Variants in SOX6 observed in about 807,000 individuals in gnomAD.
SOX6 encodes SRY-box transcription factor 6, also known as transcription factor SOX-6.
In SOX6, 11 loss-of-function variants were observed where a neutral mutation model predicts 97.8. That is an observed-to-expected ratio of 0.11 (90% CI 0.07 to 0.19). The LOEUF is 0.19. Among genes scored for constraint, SOX6 ranks in the 10% least tolerant of loss-of-function variants. The probability of loss-of-function intolerance (pLI) is 1.00; values close to 1 mark genes in which losing one functional copy is unlikely to be tolerated. For missense variants in SOX6, 810 were observed against 1,039.5 expected, an observed-to-expected ratio of 0.78 and a Z score of 3.04; for synonymous variants, 360 against 371.4, an observed-to-expected ratio of 0.97 and a Z score of 0.35.
At chr11:16,444,377 T>C (rs1565148129) in intron 1 of SOX6, among the ~76,000 whole-genome samples, 2 of 152,192 alleles carry the variant, frequency 1.3e-5, no homozygotes, top group Non-Finnish European at 2.9e-5. Flanking sequence ...TTATTTCCCA[T>C]AATTCGCTGT....
At chr11:16,074,128 C>CA (rs1271029454) in intron 9 of SOX6, among the ~76,000 whole-genome samples, 3 of 151,934 alleles carry the variant, frequency 2.0e-5, no homozygotes, top group East Asian at 3.9e-4. Context: ...AACTGAGATG[C>CA]AAAAAACCAT....
At chr11:16,285,884 T>C (rs1854721386) in intron 3 of SOX6, among the ~76,000 whole-genome samples, 1 of 152,178 alleles carries the variant, frequency 6.6e-6, no homozygotes, top group Non-Finnish European at 1.5e-5. Context: ...AGTCTTCTGA[T>C]GAACCCTCAA....
At chr11:16,413,799 C>CATGA (rs1858872462) in intron 1 of SOX6, among the ~76,000 whole-genome samples, 2 of 73,510 alleles carry the variant, frequency 2.7e-5, no homozygotes, top group East Asian at 6.6e-4. Flanking sequence ...GGATTACAGG[C>CATGA]ATGAGCCACC....
intron 3 of SOX6, among the ~76,000 whole-genome samples, chr11:16,676,068 CAGGTTTCTG>C (rs146151648): frequency 0.029 from 4,456 of 152,236 alleles, 159 homozygotes; most frequent in South Asian, 0.057. Flanking sequence ...AACAGTCCCA[CAGGTTTCTG>C]AGGCTCTGCT....
intron 4 of SOX6, among the ~76,000 whole-genome samples, chr11:16,539,887 G>C (rs1429510291): frequency 6.6e-6 from 1 of 152,068 alleles, no homozygotes; most frequent in Non-Finnish European, 1.5e-5. Flanking sequence ...TTCTACCAGA[G>C]GTACAAAGAG....
At chr11:16,133,906 C>A (rs1366247751) in intron 6 of SOX6, among the ~76,000 whole-genome samples, 1 of 152,076 alleles carries the variant, frequency 6.6e-6, no homozygotes, top group Non-Finnish European at 1.5e-5. Flanking sequence ...AGGCTGGTCC[C>A]GAACTCCTGA....
chr11:16,374,827 A>G (rs1214011685), intron 1 of SOX6, among the ~76,000 whole-genome samples: 1 of 152,082 alleles, frequency 6.6e-6, no homozygotes, highest in African/African-American at 2.4e-5. Context: ...TTAAATAGGA[A>G]AGAGCAGGTT....
intron 3 of SOX6, among the ~76,000 whole-genome samples, chr11:16,252,833 G>A (rs1853556530): frequency 6.6e-6 from 1 of 152,038 alleles, no homozygotes; most frequent in African/African-American, 2.4e-5. Flanking sequence ...CACCTAAGCA[G>A]GGAAATTATT....
At position 15,976,991 on chromosome 11, in the gene SOX6, T is replaced by C. The variant is rs140195828; in HGVS notation, c.2184-3879A>G. On this transcript the variant is annotated intron_variant, in intron 15 of 15. Transcript: ENST00000683767. ...ATGAATGGGCCTGGAGGTGGGGTAGTTCCCTTCTTAGCTCCTCATTGCCTC... is the reference window on the plus strand; with the variant it reads ...ATGAATGGGCCTGGAGGTGGGGTAGCTCCCTTCTTAGCTCCTCATTGCCTC... Among the ~76,000 whole-genome samples the C allele has an allele frequency of 4.1e-4, 62 of 152,102 alleles. 1 individual carries two copies. The East Asian group carries it at 0.01, about 26-fold the overall frequency.
chr11:16,043,152 A>G (rs778879534), intron 12 of SOX6, among the ~76,000 whole-genome samples: 1 of 152,208 alleles, frequency 6.6e-6, no homozygotes, highest in African/African-American at 2.4e-5. Context: ...TGTCATGACT[A>G]AAATACTCTC....
intron 3 of SOX6, among the ~76,000 whole-genome samples, chr11:16,620,249 T>C (rs540089873): frequency 1.4e-4 from 22 of 152,206 alleles, no homozygotes; most frequent in Non-Finnish European, 2.8e-4. Context: ...GGGATTCCAA[T>C]GTTTGTTTCT....
chr11:16,651,040 C>T (rs1023668067), intron 3 of SOX6, among the ~76,000 whole-genome samples: 1 of 151,932 alleles, frequency 6.6e-6, no homozygotes, highest in Admixed American at 6.6e-5. Context: ...TGGATAAATT[C>T]CTGGAAATAT....
chr11:16,151,062 T>C (rs1454713165), intron 6 of SOX6, among the ~76,000 whole-genome samples: 1 of 152,180 alleles, frequency 6.6e-6, no homozygotes, highest in East Asian at 1.9e-4. Flanking sequence ...TTAATACTTT[T>C]GGATTTTACA....
intron 3 of SOX6, among the ~76,000 whole-genome samples, chr11:16,704,724 C>A (rs1848118993): frequency 6.6e-6 from 1 of 152,182 alleles, no homozygotes; most frequent in Admixed American, 6.5e-5. Flanking sequence ...AAACTGAATT[C>A]TACCCAGTTT....
intron 1 of SOX6, among the ~76,000 whole-genome samples, chr11:16,380,040 TTAGA>T (rs991914813): frequency 1.3e-5 from 2 of 151,844 alleles, no homozygotes; most frequent in Non-Finnish European, 2.9e-5. Context: ...TATATGCATA[TTAGA>T]TAGATAGGCA....
chr11:16,488,475 T>C (rs1369946320), intron 4 of SOX6, among the ~76,000 whole-genome samples: 2 of 152,164 alleles, frequency 1.3e-5, no homozygotes, highest in African/African-American at 4.8e-5. Flanking sequence ...CATAAATGTA[T>C]TTCCCTTTTT....
intron 12 of SOX6, among the ~76,000 whole-genome samples, chr11:16,029,763 GT>G (rs1240197548): frequency 6.6e-6 from 1 of 152,078 alleles, no homozygotes; most frequent in African/African-American, 2.4e-5. Context: ...ATAATTAGCC[GT>G]TTTTAAATCT....
At chr11:16,475,751 G>A (rs544430653) in intron 1 of SOX6, among the ~76,000 whole-genome samples, 25 of 152,196 alleles carry the variant, frequency 1.6e-4, no homozygotes, top group Non-Finnish European at 2.4e-4. Context: ...AAATGGTGCC[G>A]ATAGACTTGC....
At chr11:16,076,556 T>C (rs1418583808) in intron 9 of SOX6, among the ~76,000 whole-genome samples, 2 of 152,034 alleles carry the variant, frequency 1.3e-5, no homozygotes, top group Non-Finnish European at 2.9e-5. Context: ...AAGAAATACC[T>C]GAGACTGAGT....
Sources: allele counts gnomAD v4.1 joint callset (sites outside exome capture counted in the v4.1 genomes callset), GRCh38; gene constraint gnomAD v4.1.1; transcripts MANE v1.5; gene names NCBI Gene and HGNC (gene_info 2026-07-23, HGNC 2026-07-21).